The following ZAP70 variants were observed in gnomAD, a reference collection of about 807,000 sequenced individuals.
ZAP70 encodes the protein tyrosine-protein kinase ZAP-70.
In ZAP70, 27 loss-of-function variants were observed where a neutral mutation model predicts 65.8. The observed-to-expected ratio is 0.41, with a 90% CI of 0.30 to 0.57. The LOEUF is 0.57. ZAP70 is among the 20% of genes least tolerant of loss of function. The probability of loss-of-function intolerance (pLI) is 0.28; values close to 1 mark genes in which losing one functional copy is unlikely to be tolerated. For synonymous variants in ZAP70, 363 were observed against 360.8 expected (o/e 1.01, Z -0.07); for missense variants, 696 against 870.5 (o/e 0.80, Z 2.52).
rs1462020173 is a variant in ZAP70, at chr2:97,731,588, G to A, written c.564-1295G>A. Among the ~76,000 whole-genome samples, 1 of 152,184 alleles carries A rather than the reference G, an allele frequency of 6.6e-6. No individual in the cohort carries two copies. Among genetic ancestry groups the A allele is most frequent in the Non-Finnish European group, 1.5e-5 (1 of 68,040 alleles). On this transcript the variant is annotated intron_variant, in intron 4 of 13. Transcript: ENST00000264972. The surrounding 1 kb of genome is among the most constrained non-coding windows in gnomAD (Gnocchi z 4.0). ...TGCACTGTACTTCGGGGAACGTGCT[G>A]TCCAGGAATGGAGAGGATGGTCACA...
chr2:97,732,432 C>G (rs1677646650), intron 4 of ZAP70, among the ~76,000 whole-genome samples: 1 of 152,182 alleles, frequency 6.6e-6, no homozygotes, highest in South Asian at 2.1e-4. Flanking sequence ...AAGTGCCCCC[C>G]ATGGTTGGCT....
At chr2:97,739,893 T>G, downstream of ZAP70, 1 of 240,134 alleles carries the variant, frequency 4.2e-6, no homozygotes, top group Non-Finnish European at 8.3e-6. Flanking sequence ...GGGGTGAGGG[T>G]AGGTGTCAGG....
chr2:97,737,599 G>A lies in ZAP70; in HGVS notation c.1416G>A (p.Arg472=). Residue 472 remains arginine (R), a synonymous_variant, in exon 11 of 14, where the codon CGG becomes CGA. Transcript: ENST00000264972. The surrounding 1 kb of genome is among the most constrained non-coding windows in gnomAD (Gnocchi z 5.0). ...LAARNVLLVN[R]HYAKISDFGL... ...CCCGCAACGTCCTGCTGGTTAACCG[G>A]CACTACGCCAAGATCAGCGACTTTG... 6.2e-7 allele frequency: 1 copy of A among 1,614,100 alleles called. No homozygotes were observed. Among genetic ancestry groups the A allele is most frequent in the Non-Finnish European group, 8.5e-7 (1 of 1,179,974 alleles).
chr2:97,740,607 A>G (rs1017211020), downstream of ZAP70, among the ~76,000 whole-genome samples: 10 of 152,206 alleles, frequency 6.6e-5, no homozygotes, highest in Non-Finnish European at 1.0e-4. Flanking sequence ...TGTCAAGTAC[A>G]TTGGGAACGC....
chr2:97,721,474 C>A (rs1392919629), intron 2 of ZAP70, among the ~76,000 whole-genome samples: 1 of 151,848 alleles, frequency 6.6e-6, no homozygotes, highest in Non-Finnish European at 1.5e-5. Context: ...AGTGCAATGG[C>A]GTGACCTCAG....
chr2:97,734,345 G>C, intron 8 of ZAP70, 175 bp from the exon 9 acceptor site: 2 of 1,428,892 alleles, frequency 1.4e-6, no homozygotes, highest in Non-Finnish European at 1.8e-6. Flanking sequence ...CTGTGGCCAG[G>C]AGTGTATGCC....
rs1240162646 is a variant in ZAP70 at position 97,737,587 on chromosome 2, G to T, written c.1404G>T (p.Leu468=). ...VHRDLAARNV[L]LVNRHYAKIS... ...GTGACCTGGCGGCCCGCAACGTCCT[G>T]CTGGTTAACCGGCACTACGCCAAGA... Residue 468 remains leucine (L), a synonymous_variant, in exon 11 of 14, where the codon CTG becomes CTT. Coordinates refer to ENST00000264972, the MANE Select transcript of ZAP70 (RefSeq NM_001079.4). This position sits in a 1 kb window ranked among gnomAD's most constrained non-coding sequence, Gnocchi z 5.0. 1 of 1,614,144 alleles carries T rather than the reference G, an allele frequency of 6.2e-7. No homozygotes were observed. Among genetic ancestry groups the T allele is most frequent in the East Asian group, 2.2e-5 (1 of 44,878 alleles).
chr2:97,719,556 G>C (rs190823712), intron 2 of ZAP70, among the ~76,000 whole-genome samples: 30 of 151,372 alleles, frequency 2.0e-4, no homozygotes, highest in Non-Finnish European at 3.1e-4. Flanking sequence ...AACAGCCTGG[G>C]GGGGGGGCGC....
chr2:97,730,552 G>A (rs1288869854), intron 4 of ZAP70, among the ~76,000 whole-genome samples: 1 of 152,116 alleles, frequency 6.6e-6, no homozygotes, highest in East Asian at 1.9e-4. Context: ...CAACCTCAAT[G>A]TTCAACCATT....
chr2:97,747,822 T>TG, the ZAP70 span, among the ~76,000 whole-genome samples: 1 of 123,382 alleles, frequency 8.1e-6, no homozygotes, highest in Non-Finnish European at 1.7e-5. Context: ...GAGGTTTTTT[T>TG]TTTTTTTTTT....
chr2:97,739,363 C>T lies in ZAP70; in HGVS notation c.1737-12C>T. The T allele has an allele frequency of 6.2e-7, 1 of 1,613,168 alleles. No individual in the cohort carries two copies. Among genetic ancestry groups the T allele is most frequent in the African/African-American group, 1.3e-5 (1 of 75,066 alleles). On this transcript the variant is annotated splice_polypyrimidine_tract_variant and intron_variant, in intron 13 of 13. Coordinates refer to ENST00000264972, the MANE Select transcript of ZAP70 (RefSeq NM_001079.4). ...CGTGGTCAGCAGCCTGGATGTACCC[C>T]ACGCCCCACAGGTGGGAGGATCGCC...
At chr2:97,724,973 A>T in intron 3 of ZAP70, 119 bp from the exon 4 acceptor site, 1 of 1,544,558 alleles carries the variant, frequency 6.5e-7, no homozygotes, top group Non-Finnish European at 8.7e-7. Flanking sequence ...AACCTGCCTA[A>T]CACGCGCTAG....
chr2:97,721,580 A>ATTTTTTTTTTTTTTTTTTTTT, intron 2 of ZAP70, among the ~76,000 whole-genome samples: 2 of 81,164 alleles, frequency 2.5e-5, no homozygotes, highest in Non-Finnish European at 4.6e-5. Flanking sequence ...TGGCTGGCTG[A>ATTTTTTTTTTTTTTTTTTTTT]TTTTTTTTTT....
At chr2:97,744,091 C>G (rs141018497), downstream of ZAP70, among the ~76,000 whole-genome samples, 3 of 152,148 alleles carry the variant, frequency 2.0e-5, no homozygotes, top group South Asian at 2.1e-4. Flanking sequence ...GATGAGGCAC[C>G]GGAAGTTCAG....
intron 2 of ZAP70, among the ~76,000 whole-genome samples, chr2:97,719,933 C>T (rs1177792927): frequency 6.6e-6 from 1 of 152,128 alleles, no homozygotes; most frequent in Non-Finnish European, 1.5e-5. Flanking sequence ...TGGAATCACA[C>T]AATTCGTAGC....
At chr2:97,720,033 G>A (rs188955629) in intron 2 of ZAP70, among the ~76,000 whole-genome samples, 64 of 152,238 alleles carry the variant, frequency 4.2e-4, no homozygotes, top group African/African-American at 1.4e-3. Flanking sequence ...CACTTACCGC[G>A]GAGTAGAATT....
intron 2 of ZAP70, among the ~76,000 whole-genome samples, 153 bp downstream of exon 2, chr2:97,714,147 T>A (rs1676817701): frequency 6.6e-6 from 1 of 152,080 alleles, no homozygotes; most frequent in Non-Finnish European, 1.5e-5. Context: ...TGGCTGGAGA[T>A]GGAGGCAGAC....
rs1677687207 is a variant in ZAP70, at chr2:97,733,202, C to T, written c.780C>T (p.Ser260=). 1 of 1,613,586 alleles carries T rather than the reference C, an allele frequency of 6.2e-7. No homozygotes were observed. Among genetic ancestry groups the T allele is most frequent in the Non-Finnish European group, 8.5e-7 (1 of 1,179,872 alleles). Residue 260 remains serine, a synonymous_variant, in exon 6 of 14, where the codon AGC becomes AGT. Transcript: ENST00000264972. The part of the protein sequence containing the change: ...LKEACPNSSA[S]NASGAAAPTL... The stretch of plus-strand genomic sequence containing the variant: ...AGGCCTGCCCCAACAGCAGTGCCAG[C>T]AACGCCTCAGGTGACGGCAGCAGGC...
Position 97,725,143 on chromosome 2 carries a change from C to G in ZAP70, c.454C>G (p.Leu152Val), listed in dbSNP as rs1470870960. Residue 152 changes from leucine (L) to valine (V), a missense_variant, in exon 4 of 14, where the codon CTC becomes GTC. This residue lies in a region of ZAP70 where 551 missense variants were observed against 630.0 expected (regional missense o/e 0.87). Transcript: ENST00000264972. ...IISQAPQVEK[L>V]IATTAHERMP... is the part of the protein sequence containing the mutation. ...CAGCCAGGCCCCGCAGGTGGAGAAG[C>G]TCATTGCTACGACGGCCCACGAGCG... The G allele has an allele frequency of 3.7e-6, 6 of 1,614,036 alleles. No individual in the cohort carries two copies. The highest frequency in any genetic ancestry group is 1.3e-5 in the African/African-American group (1 of 74,936).
Sources: allele counts gnomAD v4.1 joint callset (sites outside exome capture counted in the v4.1 genomes callset), GRCh38; gene constraint gnomAD v4.1.1; regional missense constraint gnomAD v4.1.1; non-coding constraint Gnocchi (gnomAD v3.1); transcripts MANE v1.5; gene names NCBI Gene and HGNC (gene_info 2026-07-23, HGNC 2026-07-21).